The following PAGE2B variants were observed in gnomAD, a reference collection of about 807,000 sequenced individuals.
PAGE2B encodes the protein putative G antigen family E member 3.
A neutral mutation model predicts 7.6 loss-of-function variants in PAGE2B; 5 were observed. The observed-to-expected ratio is 0.66, with a 90% CI of 0.34 to 1.38. The LOEUF (loss-of-function observed/expected upper bound fraction) is 1.38, where lower values mean the gene tolerates loss of function less well. Among genes scored for constraint, PAGE2B ranks in the 40% most tolerant of loss-of-function variants. PAGE2B has a pLI of 0.04. For missense variants in PAGE2B, 70 were observed against 78.4 expected (o/e 0.89, Z 0.41); for synonymous variants, 29 against 26.7 (o/e 1.09, Z -0.27).
intron 3 of PAGE2B, among the ~76,000 whole-genome samples, chrX:55,076,946 TTC>T (rs1437846941): frequency 1.8e-5 from 2 of 111,574 alleles, no homozygotes; most frequent in Non-Finnish European, 3.8e-5. Context: ...TTCAGCCATT[TTC>T]TGTTTTTTGT....
At chrX:55,066,199 T>C in the PAGE2B span, among the ~76,000 whole-genome samples, 1 of 112,258 alleles carries the variant, frequency 8.9e-6, no homozygotes, top group Admixed American at 9.5e-5. Context: ...CAAGCAATTG[T>C]CCTGCCTCAG....
chrX:55,032,773 G>T, the PAGE2B span, among the ~76,000 whole-genome samples: 1 of 112,048 alleles, frequency 8.9e-6, no homozygotes, highest in East Asian at 2.8e-4. Flanking sequence ...TGTGGTGCTA[G>T]GTAGTGGAGA....
chrX:55,050,452 T>C, the PAGE2B span, among the ~76,000 whole-genome samples: 1 of 108,762 alleles, frequency 9.2e-6, no homozygotes, highest in Admixed American at 9.9e-5. Flanking sequence ...TAAGTCTCTT[T>C]GTAGGTCACT....
intron 3 of PAGE2B, among the ~76,000 whole-genome samples, chrX:55,077,098 G>C (rs1936529722): frequency 9.0e-6 from 1 of 111,637 alleles, no homozygotes; most frequent in East Asian, 2.8e-4. Context: ...AGATGTCAGT[G>C]CCAAATTTTT....
intron 3 of PAGE2B, 149 bp downstream of exon 3, chrX:55,076,826 G>A: frequency 5.0e-6 from 3 of 596,850 alleles, no homozygotes; most frequent in African/African-American, 2.2e-5. Context: ...GGTGGGACAA[G>A]GACGCATAAA....
the PAGE2B span, among the ~76,000 whole-genome samples, chrX:55,062,825 C>A: frequency 1.8e-5 from 2 of 111,424 alleles, no homozygotes; most frequent in Non-Finnish European, 3.8e-5. Flanking sequence ...ATGTGGATAT[C>A]CAGTTTTCAC....
the PAGE2B span, among the ~76,000 whole-genome samples, chrX:55,069,398 C>T: frequency 7.3e-4 from 81 of 111,526 alleles, no homozygotes; most frequent in African/African-American, 2.6e-3. Context: ...CCAACTTGAT[C>T]GTGCTGGATG....
chrX:55,070,768 A>G (rs1936441293), upstream of PAGE2B, among the ~76,000 whole-genome samples: 1 of 111,662 alleles, frequency 9.0e-6, no homozygotes, highest in Non-Finnish European at 1.9e-5. Flanking sequence ...TGTTGCATTG[A>G]TCCCTTTACC....
the PAGE2B span, among the ~76,000 whole-genome samples, chrX:55,069,748 A>G: frequency 9.0e-6 from 1 of 110,966 alleles, no homozygotes; most frequent in Non-Finnish European, 1.9e-5. Flanking sequence ...CAGGGATTCT[A>G]CCTCTTCCTG....
At chrX:55,075,890 G>A in intron 1 of PAGE2B, 144 bp from the exon 2 acceptor site, 1 of 565,640 alleles carries the variant, frequency 1.8e-6, no homozygotes, top group Non-Finnish European at 2.7e-6. Context: ...ATTGGAAAGC[G>A]TGGGTACTTA....
chrX:55,047,536 AGT>A, the PAGE2B span, among the ~76,000 whole-genome samples: 2 of 111,687 alleles, frequency 1.8e-5, no homozygotes, highest in African/African-American at 6.5e-5. Context: ...TCCCACCAAC[AGT>A]GTAAAAGTGT....
At chrX:55,061,441 A>G in the PAGE2B span, among the ~76,000 whole-genome samples, 1 of 110,230 alleles carries the variant, frequency 9.1e-6, no homozygotes, top group Non-Finnish European at 1.9e-5. Context: ...TTCTTTTTAA[A>G]TATTTTTTAT....
At chrX:55,057,401 G>A in the PAGE2B span, among the ~76,000 whole-genome samples, 2 of 111,760 alleles carry the variant, frequency 1.8e-5, no homozygotes, top group Admixed American at 9.5e-5. Context: ...TATAATTATT[G>A]TACATAGATA....
chrX:55,040,093 A>G, the PAGE2B span, among the ~76,000 whole-genome samples: 1 of 106,779 alleles, frequency 9.4e-6, no homozygotes, highest in Non-Finnish European at 1.9e-5. Flanking sequence ...ATTTTAATCT[A>G]TTTTTAAAAT....
At chrX:55,050,791 G>C in the PAGE2B span, among the ~76,000 whole-genome samples, 1 of 111,412 alleles carries the variant, frequency 9.0e-6, no homozygotes, top group Non-Finnish European at 1.9e-5. Context: ...TTTAATTGGA[G>C]CATTTAGCCC....
upstream of PAGE2B, among the ~76,000 whole-genome samples, chrX:55,071,676 T>A (rs1346980056): frequency 8.9e-6 from 1 of 112,119 alleles, no homozygotes; most frequent in Non-Finnish European, 1.9e-5. Context: ...CCTGTTACTT[T>A]CACGTACAGT....
intron 1 of PAGE2B, among the ~76,000 whole-genome samples, chrX:55,075,632 T>C (rs1480348863): frequency 9.0e-6 from 1 of 111,511 alleles, no homozygotes; most frequent in African/African-American, 3.3e-5. Flanking sequence ...TGGGCGAGGC[T>C]GTGCTTTCCA....
chrX:55,061,307 G>A, the PAGE2B span, among the ~76,000 whole-genome samples: 5 of 111,005 alleles, frequency 4.5e-5, no homozygotes, highest in Admixed American at 9.6e-5. Context: ...TAAGTTATGC[G>A]TCGTAGGGGT....
chrX:55,036,207 C>T, the PAGE2B span, among the ~76,000 whole-genome samples: 6 of 111,681 alleles, frequency 5.4e-5, no homozygotes, highest in South Asian at 3.7e-4. Flanking sequence ...TGGGCTGAGA[C>T]AATGGGGTTT....
Sources: gnomAD v4.1 joint callset for allele counts (sites outside exome capture counted in the v4.1 genomes callset) on GRCh38, gnomAD v4.1.1 for gene constraint, MANE v1.5 for transcripts, NCBI Gene and HGNC (gene_info 2026-07-23, HGNC 2026-07-21) for gene names.